SPATA6L: variants seen among roughly 807,000 people sequenced by gnomAD.
SPATA6L encodes the protein spermatogenesis associated 6 like.
A neutral mutation model predicts 49.2 loss-of-function variants in SPATA6L; 68 were observed. The observed-to-expected ratio is 1.38, with a 90% CI of 1.14 to 1.69. The LOEUF (loss-of-function observed/expected upper bound fraction) is 1.69, where lower values mean the gene tolerates loss of function less well. SPATA6L is among the 40% of genes most tolerant of loss of function. SPATA6L has a pLI of 0.00. For synonymous variants in SPATA6L, 198 were observed against 165.7 expected (o/e 1.19, Z -1.50); for missense variants, 668 against 464.3 (o/e 1.44, Z -4.03).
intron 3 of SPATA6L, among the ~76,000 whole-genome samples, chr9:4,649,080 CACACACACACACACAT>C (rs1836196860): frequency 6.6e-6 from 1 of 151,966 alleles, no homozygotes; most frequent in South Asian, 2.1e-4. Flanking sequence ...CACACACACA[CACACACACACACACAT>C]ATCACAGTTT....
chr9:4,654,319 T>C (rs933743256), intron 3 of SPATA6L, among the ~76,000 whole-genome samples: 9 of 152,128 alleles, frequency 5.9e-5, no homozygotes, highest in African/African-American at 2.2e-4. Flanking sequence ...GGACGTGCGA[T>C]GGGGGTGTGG....
At chr9:4,618,717 G>C (rs549108857) in intron 8 of SPATA6L, 147 bp downstream of exon 8, 1 of 749,080 alleles carries the variant, frequency 1.3e-6, no homozygotes, top group Admixed American at 2.6e-5. Flanking sequence ...CATGGAGTCT[G>C]GGCACATCTT....
chr9:4,617,911 C>T lies in SPATA6L; in HGVS notation c.995+12G>A, dbSNP rs1158622896. 1.9e-6 allele frequency: 3 copies of T among 1,592,116 alleles called. No homozygotes were observed. The highest frequency in any genetic ancestry group is 8.6e-7 in the Non-Finnish European group (1 of 1,167,032). On this transcript the variant is annotated intron_variant, in intron 9 of 11. Transcript: ENST00000682582. ...CACTCGTCAGGCAAACAGATGGGTG[C>T]TTGCCACTGACCTTTCTCTGAGAAG...
chr9:4,652,424 C>A (rs564795168), intron 3 of SPATA6L, among the ~76,000 whole-genome samples: 7 of 152,168 alleles, frequency 4.6e-5, no homozygotes, highest in African/African-American at 1.7e-4. Context: ...TCAATTGGAT[C>A]TCTATAAACT....
intron 5 of SPATA6L, chr9:4,628,780 C>A: frequency 4.5e-6 from 1 of 220,914 alleles, no homozygotes; most frequent in South Asian, 8.7e-5. Flanking sequence ...TTCATAAGAT[C>A]ACAAGTAAAT....
chr9:4,607,954 A>G (rs1471658509), intron 9 of SPATA6L, among the ~76,000 whole-genome samples: 1 of 151,924 alleles, frequency 6.6e-6, no homozygotes, highest in Non-Finnish European at 1.5e-5. Flanking sequence ...AGGAAGATCT[A>G]TCAAGCAAAT....
At chr9:4,632,865 T>C (rs192501379) in intron 4 of SPATA6L, among the ~76,000 whole-genome samples, 35 of 152,336 alleles carry the variant, frequency 2.3e-4, no homozygotes, top group African/African-American at 8.4e-4. Flanking sequence ...AATCAGGACA[T>C]AACTAATATT....
chr9:4,617,327 G>C (rs572915601), intron 9 of SPATA6L: 11 of 152,310 alleles, frequency 7.2e-5, no homozygotes, highest in African/African-American at 2.4e-4. Context: ...GTTTGCCTAA[G>C]ATTCAAGGGT....
chr9:4,635,483 G>C (rs1832610976), intron 3 of SPATA6L, 84 bp from the exon 4 acceptor site: 1 of 1,360,426 alleles, frequency 7.4e-7, no homozygotes. Context: ...GATGATGGCA[G>C]AGATGGCACT....
At chr9:4,642,161 G>C (rs891195406) in intron 3 of SPATA6L, among the ~76,000 whole-genome samples, 16 of 152,110 alleles carry the variant, frequency 1.1e-4, no homozygotes, top group Non-Finnish European at 8.8e-5. Flanking sequence ...ATTTTTTATA[G>C]TGAGATTACT....
At chr9:4,635,575 T>C (rs1480074350) in intron 3 of SPATA6L, among the ~76,000 whole-genome samples, 176 bp from the exon 4 acceptor site, 3 of 152,184 alleles carry the variant, frequency 2.0e-5, no homozygotes, top group Non-Finnish European at 4.4e-5. Context: ...TCGTGGATAA[T>C]TTTTTAAAGC....
intron 3 of SPATA6L, among the ~76,000 whole-genome samples, chr9:4,642,350 G>A (rs975770935): frequency 2.0e-5 from 3 of 152,176 alleles, no homozygotes; most frequent in Non-Finnish European, 4.4e-5. Flanking sequence ...CCTGATTTCA[G>A]CCTGTCACTT....
intron 3 of SPATA6L, among the ~76,000 whole-genome samples, chr9:4,639,871 C>T (rs1833658082): frequency 6.6e-6 from 1 of 152,216 alleles, no homozygotes; most frequent in Admixed American, 6.5e-5. Context: ...ACATTTGATT[C>T]CCTCTTTACA....
At chr9:4,653,474 G>A (rs1250533029) in intron 3 of SPATA6L, among the ~76,000 whole-genome samples, 1 of 151,946 alleles carries the variant, frequency 6.6e-6, no homozygotes, top group African/African-American at 2.4e-5. Flanking sequence ...GACACCAAAA[G>A]CACAAGCAAC....
At chr9:4,660,970 G>C (rs1196566131) in intron 2 of SPATA6L, among the ~76,000 whole-genome samples, 1 of 151,990 alleles carries the variant, frequency 6.6e-6, no homozygotes, top group Admixed American at 6.6e-5. Flanking sequence ...TGATAGGTGG[G>C]AATTGAACAA....
intron 13 of SPATA6L, among the ~76,000 whole-genome samples, chr9:4,589,911 T>G (rs986315179): frequency 2.6e-5 from 4 of 152,142 alleles, no homozygotes; most frequent in Admixed American, 6.5e-5. Flanking sequence ...CTTGTTAAAT[T>G]AGCTTTGGGA....
intron 9 of SPATA6L, 36 bp downstream of exon 9, chr9:4,617,887 A>C (rs553148863): frequency 1.3e-6 from 2 of 1,538,904 alleles, no homozygotes; most frequent in Non-Finnish European, 1.8e-6. Flanking sequence ...GCCACAATGC[A>C]CTCGTCAGGC....
chr9:4,632,850 G>A (rs1831921036), intron 4 of SPATA6L, among the ~76,000 whole-genome samples: 1 of 152,136 alleles, frequency 6.6e-6, no homozygotes, highest in African/African-American at 2.4e-5. Flanking sequence ...AGTATGTATT[G>A]CATTAATCAG....
At chr9:4,634,384 T>C (rs1832328775) in intron 4 of SPATA6L, among the ~76,000 whole-genome samples, 1 of 152,202 alleles carries the variant, frequency 6.6e-6, no homozygotes, top group Admixed American at 6.5e-5. Context: ...TGAAAGATAA[T>C]GAAGGTCTTG....
Sources: allele counts gnomAD v4.1 joint callset (sites outside exome capture counted in the v4.1 genomes callset), GRCh38; gene constraint gnomAD v4.1.1; transcripts MANE v1.5; gene names NCBI Gene and HGNC (gene_info 2026-07-23, HGNC 2026-07-21).